The following NAPB variants were observed in gnomAD, a reference collection of about 807,000 sequenced individuals.
The protein encoded by NAPB is beta-soluble NSF attachment protein.
Under a neutral mutation model 44.7 loss-of-function variants are expected in NAPB, and 26 were observed. The observed-to-expected ratio is 0.58, with a 90% CI of 0.43 to 0.81. The LOEUF (loss-of-function observed/expected upper bound fraction) is 0.81, where lower values mean the gene tolerates loss of function less well. Among genes scored for constraint, NAPB ranks in the 30% least tolerant of loss-of-function variants. The pLI, the probability that NAPB is intolerant of heterozygous loss-of-function variation, is 0.00. For synonymous variants in NAPB, 120 were observed against 116.8 expected (o/e 1.03, Z -0.18); for missense variants, 315 against 356.4 (o/e 0.88, Z 0.94).
At chr20:23,385,118 C>T (rs137920212) in intron 7 of NAPB, among the ~76,000 whole-genome samples, 3,057 of 136,732 alleles carry the variant, frequency 0.022, 83 homozygotes, top group African/African-American at 0.075. Context: ...GACTCTGTCT[C>T]AAAACAAACA....
At chr20:23,415,758 G>A (rs901835406) in intron 1 of NAPB, among the ~76,000 whole-genome samples, 10 of 152,044 alleles carry the variant, frequency 6.6e-5, no homozygotes, top group Admixed American at 2.0e-4. Flanking sequence ...CTTGAGTCCC[G>A]GAGTTGGAGA....
intron 7 of NAPB, among the ~76,000 whole-genome samples, chr20:23,383,062 G>A (rs1399422420): frequency 6.6e-6 from 1 of 151,280 alleles, no homozygotes; most frequent in Non-Finnish European, 1.5e-5. Flanking sequence ...GGCTGAGACA[G>A]GAGAATTGCT....
At chr20:23,385,256 A>G (rs2123149515) in intron 7 of NAPB, among the ~76,000 whole-genome samples, 1 of 152,348 alleles carries the variant, frequency 6.6e-6, no homozygotes, top group South Asian at 2.1e-4. Flanking sequence ...GCAGGGCTAT[A>G]AAGTGGATAA....
At chr20:23,384,891 G>A (rs79200938) in intron 7 of NAPB, among the ~76,000 whole-genome samples, 4,425 of 152,122 alleles carry the variant, frequency 0.029, 201 homozygotes, top group African/African-American at 0.1. Context: ...AGGCCAAGGC[G>A]GGTGTATCAC....
chr20:23,379,830 C>G, intron 9 of NAPB, 37 bp downstream of exon 9: 1 of 1,526,552 alleles, frequency 6.6e-7, no homozygotes, highest in Non-Finnish European at 9.1e-7. Context: ...CCTAACAGAA[C>G]AAAAGCATTT....
At chr20:23,384,611 G>A (rs1480499051) in intron 7 of NAPB, among the ~76,000 whole-genome samples, 2 of 151,078 alleles carry the variant, frequency 1.3e-5, no homozygotes, top group East Asian at 3.9e-4. Context: ...GACAGAGTGA[G>A]ACCCAGTCTC....
intron 2 of NAPB, among the ~76,000 whole-genome samples, 192 bp downstream of exon 2, chr20:23,402,801 C>T (rs1984943003): frequency 6.6e-6 from 1 of 152,166 alleles, no homozygotes; most frequent in African/African-American, 2.4e-5. Context: ...TTAAGCCAGG[C>T]TTTCCAGCTT....
At chr20:23,379,214 C>G (rs1982798722) in intron 10 of NAPB, 2 of 431,866 alleles carry the variant, frequency 4.6e-6, no homozygotes, top group East Asian at 7.1e-5. Context: ...ATATTTGCTC[C>G]TGAACTAGTC....
At chr20:23,412,202 CTCT>C (rs1380279457) in intron 1 of NAPB, among the ~76,000 whole-genome samples, 1 of 152,158 alleles carries the variant, frequency 6.6e-6, no homozygotes, top group Non-Finnish European at 1.5e-5. Flanking sequence ...GGTATATATA[CTCT>C]TCTTAATTTC....
intron 1 of NAPB, among the ~76,000 whole-genome samples, chr20:23,414,961 T>C (rs1413424698): frequency 2.2e-5 from 3 of 137,754 alleles, no homozygotes; most frequent in African/African-American, 7.8e-5. Flanking sequence ...AAGTATAATA[T>C]TTTGATTAGC....
At chr20:23,379,242 T>C (rs1483580442) in intron 10 of NAPB, 2 of 461,602 alleles carry the variant, frequency 4.3e-6, no homozygotes, top group African/African-American at 2.0e-5. Context: ...TAAATTAGTT[T>C]TGAGTGTAAG....
At chr20:23,403,647 C>T (rs8183135) in intron 1 of NAPB, among the ~76,000 whole-genome samples, 11,491 of 150,336 alleles carry the variant, frequency 0.076, 672 homozygotes, top group East Asian at 0.3. Context: ...GACCCCAGAA[C>T]CAGAGGTGTT....
intron 1 of NAPB, among the ~76,000 whole-genome samples, chr20:23,409,312 T>C: frequency 6.6e-6 from 1 of 152,212 alleles, no homozygotes; most frequent in East Asian, 1.9e-4. Flanking sequence ...TCAGAGACAT[T>C]TAAGGCCTGT....
At chr20:23,420,492 G>C (rs743022) in intron 1 of NAPB, among the ~76,000 whole-genome samples, 46,350 of 151,932 alleles carry the variant, frequency 0.31, 7,088 homozygotes, top group Middle Eastern at 0.39. Flanking sequence ...CCCCCTCCCC[G>C]GCGGGGCCCA....
intron 7 of NAPB, among the ~76,000 whole-genome samples, chr20:23,388,976 A>C (rs866440298): frequency 1.3e-5 from 2 of 152,152 alleles, no homozygotes; most frequent in African/African-American, 4.8e-5. Flanking sequence ...CCACAGAATG[A>C]GAGTAAATAC....
chr20:23,379,448 T>C lies in NAPB; in HGVS notation c.783A>G (p.Glu261=), dbSNP rs1481052048. 6.2e-7 allele frequency: 1 copy of C among 1,600,594 alleles called. No individual in the cohort carries two copies. The highest frequency in any genetic ancestry group is 2.2e-5 in the East Asian group (1 of 44,644). ...ATGTCCCAAAAGCATAACTTACTGCTTCAGTGTAAGCTTCACTGTTCTGTT... is the reference window on the plus strand; with the variant it reads ...ATGTCCCAAAAGCATAACTTACTGCCTCAGTGTAAGCTTCACTGTTCTGTT... ...HEEQNSEAYT[E]AVKEFDSISR... The change falls in exon 10 of 11, where the codon GAA becomes GAG. Residue 261 remains glutamate, a synonymous_variant. Transcript: ENST00000377026.
intron 10 of NAPB, 58 bp from the exon 11 acceptor site, chr20:23,377,544 A>C: frequency 9.0e-7 from 1 of 1,105,748 alleles, no homozygotes; most frequent in Non-Finnish European, 1.3e-6. Context: ...AAAACACAAA[A>C]TAATAGTACC....
rs1568599623 is a variant in NAPB at position 23,376,692 on chromosome 20, AAC to A, written c.*682_*683del. 2.6e-5 allele frequency: 4 copies of A among 151,594 alleles called. No homozygotes were observed. The highest frequency in any genetic ancestry group is 5.9e-5 in the Non-Finnish European group (4 of 67,856). The allele number at this position is 151,594 out of a possible 1,614,324, so 9.4% of individuals were successfully genotyped here. A position where few individuals can be genotyped will look rare whatever the true frequency, so the allele number is the denominator to read the frequency against. ...ATCTTGTGATATGTGTGTGTGTGTA[AAC>A]GCGTGTGTCTAAGTACAAATCAAAT... On this transcript the variant is annotated 3_prime_UTR_variant, in exon 11 of 11. Coordinates refer to ENST00000377026, the MANE Select transcript of NAPB (RefSeq NM_022080.3).
intron 5 of NAPB, among the ~76,000 whole-genome samples, chr20:23,391,438 A>G (rs1285264212): frequency 6.6e-6 from 1 of 152,248 alleles, no homozygotes; most frequent in Non-Finnish European, 1.5e-5. Context: ...TGAACTCTGC[A>G]AAGAATCAGC....
Sources: allele counts gnomAD v4.1 joint callset (sites outside exome capture counted in the v4.1 genomes callset), GRCh38; gene constraint gnomAD v4.1.1; transcripts MANE v1.5; gene names NCBI Gene and HGNC (gene_info 2026-07-23, HGNC 2026-07-21).